EBF2: variants seen among roughly 807,000 people sequenced by gnomAD.
EBF2 encodes the protein transcription factor COE2.
A neutral mutation model predicts 72.8 loss-of-function variants in EBF2; 21 were observed. The ratio of observed to expected loss-of-function variants is 0.29; its 90% CI spans 0.20 to 0.42. The LOEUF is 0.42. EBF2 is among the 10% of genes least tolerant of loss of function. The pLI, the probability that EBF2 is intolerant of heterozygous loss-of-function variation, is 1.00. For missense variants in EBF2, 637 were observed against 731.2 expected, an observed-to-expected ratio of 0.87 and a Z score of 1.49; for synonymous variants, 299 against 274.2, an observed-to-expected ratio of 1.09 and a Z score of -0.89.
intron 6 of EBF2, among the ~76,000 whole-genome samples, chr8:25,978,912 G>C (rs1031354578): frequency 3.9e-5 from 6 of 152,156 alleles, no homozygotes; most frequent in African/African-American, 1.4e-4. Context: ...CTGGGCGGGG[G>C]GCGGAGTGGT....
intron 7 of EBF2, among the ~76,000 whole-genome samples, chr8:25,903,406 G>T (rs1480293298): frequency 6.6e-6 from 1 of 152,106 alleles, no homozygotes; most frequent in Non-Finnish European, 1.5e-5. Flanking sequence ...AATAAAGACA[G>T]GGGCTACAGC....
At chr8:25,845,270 G>T (rs1201036495) in intron 15 of EBF2, among the ~76,000 whole-genome samples, 1 of 152,110 alleles carries the variant, frequency 6.6e-6, no homozygotes, top group Non-Finnish European at 1.5e-5. Flanking sequence ...ATCTTGTTCT[G>T]TCACCCAGGC....
At chr8:25,978,532 T>C (rs1284105043) in intron 6 of EBF2, among the ~76,000 whole-genome samples, 1 of 152,116 alleles carries the variant, frequency 6.6e-6, no homozygotes, top group African/African-American at 2.4e-5. Context: ...ATCGCAGCAA[T>C]GGTCCAAACC....
At chr8:25,888,786 G>T (rs1363561800) in intron 8 of EBF2, among the ~76,000 whole-genome samples, 1 of 152,188 alleles carries the variant, frequency 6.6e-6, no homozygotes, top group Non-Finnish European at 1.5e-5. Context: ...CATTTCCAAA[G>T]TTGACAGGGT....
chr8:25,861,543 A>G (rs963244949), intron 11 of EBF2, among the ~76,000 whole-genome samples, 169 bp from the exon 12 acceptor site: 4 of 152,260 alleles, frequency 2.6e-5, no homozygotes, highest in Admixed American at 2.6e-4. Context: ...GTACATGTAC[A>G]TCTCTCTGTA....
intron 6 of EBF2, among the ~76,000 whole-genome samples, chr8:25,964,176 A>C (rs137946292): frequency 1.3e-5 from 2 of 152,274 alleles, no homozygotes; most frequent in Non-Finnish European, 2.9e-5. Flanking sequence ...ACCAATTTGA[A>C]TAAGAATATC....
At chr8:26,002,830 G>T (rs1466337783) in intron 6 of EBF2, among the ~76,000 whole-genome samples, 1 of 83,150 alleles carries the variant, frequency 1.2e-5, no homozygotes, top group Admixed American at 1.3e-4. Flanking sequence ...AACGGGACAG[G>T]CAGGCAGGCA....
rs1306980121 is a variant in EBF2 at position 25,844,180 on chromosome 8, A to ATAAAC, written c.*424_*428dup. The ATAAAC allele has an allele frequency of 6.4e-6, 1 of 156,794 alleles. No individual in the cohort carries two copies. Among genetic ancestry groups the ATAAAC allele is most frequent in the Non-Finnish European group, 1.4e-5 (1 of 70,516 alleles). The allele number at this position is 156,794 out of a possible 1,614,324, so 9.7% of individuals were successfully genotyped here. ...CCTGTTTTGTTCAATTTTTTTCTGC[A>ATAAAC]TAAACTAAATTGGTATCTGAAAGGC... On this transcript the variant is annotated 3_prime_UTR_variant, in exon 16 of 16. Coordinates refer to ENST00000520164, the MANE Select transcript of EBF2 (RefSeq NM_022659.4).
At chr8:25,893,906 C>T (rs1285837076) in intron 7 of EBF2, among the ~76,000 whole-genome samples, 1 of 152,196 alleles carries the variant, frequency 6.6e-6, no homozygotes, top group Non-Finnish European at 1.5e-5. Flanking sequence ...CTCTTGCTGG[C>T]TCACGCTGGC....
intron 6 of EBF2, among the ~76,000 whole-genome samples, chr8:26,029,098 G>T (rs1805350778): frequency 6.6e-6 from 1 of 152,242 alleles, no homozygotes. Context: ...GTCTTGAGAA[G>T]TGGAGAACTA....
Position 26,002,826 on chromosome 8 carries a change from ACAGG to A in EBF2, c.551+30255_551+30258del, listed in dbSNP as rs765733160. Among the ~76,000 whole-genome samples the A allele has an allele frequency of 8.9e-4, 132 of 148,498 alleles. 1 individual carries two copies. Among genetic ancestry groups the A allele is most frequent in the African/African-American group, 3.1e-3 (122 of 39,958 alleles). ...CAGATTTGATGTTAAAGCCAACGGG[ACAGG>A]CAGGCAGGCAGGCAGGCAGGCAGGC... On this transcript the variant is annotated intron_variant, in intron 6 of 15. Coordinates refer to ENST00000520164, the MANE Select transcript of EBF2 (RefSeq NM_022659.4).
intron 6 of EBF2, among the ~76,000 whole-genome samples, chr8:26,001,429 T>A (rs1049509000): frequency 5.9e-5 from 9 of 152,254 alleles, no homozygotes; most frequent in African/African-American, 2.2e-4. Flanking sequence ...TCTACATATT[T>A]GCCAAATATT....
intron 6 of EBF2, among the ~76,000 whole-genome samples, chr8:26,023,082 C>G (rs1048848462): frequency 6.6e-6 from 1 of 152,100 alleles, no homozygotes; most frequent in Non-Finnish European, 1.5e-5. Context: ...ATTTCCCAAC[C>G]ATTTGGCATG....
At chr8:25,916,850 C>T (rs1803226168) in intron 6 of EBF2, among the ~76,000 whole-genome samples, 2 of 152,126 alleles carry the variant, frequency 1.3e-5, no homozygotes, top group East Asian at 3.8e-4. Flanking sequence ...TGCTCAAGTC[C>T]CTGGAAGTGG....
intron 6 of EBF2, among the ~76,000 whole-genome samples, chr8:25,993,031 C>A (rs779790792): frequency 6.6e-5 from 10 of 152,170 alleles, no homozygotes; most frequent in Admixed American, 2.0e-4. Flanking sequence ...CCTGCCCCCA[C>A]CTCCTTCAGT....
At position 25,844,531 on chromosome 8, in the gene EBF2, C is replaced by T; in HGVS notation, c.*78G>A. ...TCATGTGGGGGCACCACTACACCCC[C>T]AAAAGAGCTCCTAGTGCTTTCTTCA... On this transcript the variant is annotated 3_prime_UTR_variant, in exon 16 of 16. Coordinates refer to ENST00000520164, the MANE Select transcript of EBF2 (RefSeq NM_022659.4). The T allele has an allele frequency of 2.6e-6, 4 of 1,565,588 alleles. No individual in the cohort carries two copies. The highest frequency in any genetic ancestry group is 3.5e-6 in the Non-Finnish European group (4 of 1,136,894).
chr8:25,847,963 C>G, intron 15 of EBF2, among the ~76,000 whole-genome samples: 1 of 152,062 alleles, frequency 6.6e-6, no homozygotes, highest in East Asian at 1.9e-4. Context: ...TCTCAAATCA[C>G]CACTAGAGAA....
At chr8:26,002,852 AGGCGGGCAGGCG>A in intron 6 of EBF2, among the ~76,000 whole-genome samples, 1 of 90,762 alleles carries the variant, frequency 1.1e-5, no homozygotes, top group African/African-American at 3.1e-5. Context: ...GCAGGCAGGC[AGGCGGGCAGGCG>A]GGCAGGCGGG....
chr8:25,930,247 A>T (rs1190768275), intron 6 of EBF2, among the ~76,000 whole-genome samples: 1 of 152,102 alleles, frequency 6.6e-6, no homozygotes, highest in Admixed American at 6.6e-5. Flanking sequence ...AGGACACTTG[A>T]GGAAGCTGGC....
Sources: gnomAD v4.1 joint callset for allele counts (sites outside exome capture counted in the v4.1 genomes callset) on GRCh38, gnomAD v4.1.1 for gene constraint, MANE v1.5 for transcripts, NCBI Gene and HGNC (gene_info 2026-07-23, HGNC 2026-07-21) for gene names.